The following UTS2 variants were observed in gnomAD, a reference collection of about 807,000 sequenced individuals.
UTS2 encodes the protein urotensin-2.
In UTS2, 10 loss-of-function variants were observed where a neutral mutation model predicts 12.6. That is an observed-to-expected ratio of 0.80 (90% CI 0.49 to 1.35). The LOEUF (loss-of-function observed/expected upper bound fraction) is 1.35. UTS2 is among the 40% of genes most tolerant of loss of function. The pLI is 0.00. For missense variants in UTS2, 142 were observed against 143.2 expected (o/e 0.99, Z 0.04); for synonymous variants, 52 against 50.0 (o/e 1.04, Z -0.17).
At chr1:7,863,003 G>GTATT in the UTS2 span, among the ~76,000 whole-genome samples, 5 of 19,714 alleles carry the variant, frequency 2.5e-4, no homozygotes, top group African/African-American at 7.0e-4. Context: ...GTATTGTATT[G>GTATT]TATTGTATTG....
intron 3 of UTS2, among the ~76,000 whole-genome samples, chr1:7,849,163 A>C (rs1474681618): frequency 6.6e-6 from 1 of 151,648 alleles, no homozygotes; most frequent in Non-Finnish European, 1.5e-5. Context: ...TTCAGATCTT[A>C]TATCAATCAA....
chr1:7,897,345 T>G, the UTS2 span, among the ~76,000 whole-genome samples: 1 of 152,136 alleles, frequency 6.6e-6, no homozygotes, highest in East Asian at 1.9e-4. Flanking sequence ...CTGTATCCTA[T>G]TCTTGTTTAG....
the UTS2 span, among the ~76,000 whole-genome samples, chr1:7,903,966 A>G: frequency 6.6e-6 from 1 of 152,172 alleles, no homozygotes; most frequent in East Asian, 1.9e-4. Flanking sequence ...CGTCTGATGT[A>G]CCTTCCACAC....
At chr1:7,849,286 C>T (rs2097411408) in intron 3 of UTS2, among the ~76,000 whole-genome samples, 2 of 152,248 alleles carry the variant, frequency 1.3e-5, no homozygotes, top group Admixed American at 1.3e-4. Flanking sequence ...GCGATCTCAG[C>T]TCACTGCAAC....
At chr1:7,850,487 CT>C (rs1044884741) in intron 2 of UTS2, among the ~76,000 whole-genome samples, 1 of 152,050 alleles carries the variant, frequency 6.6e-6, no homozygotes, top group Admixed American at 6.6e-5. Context: ...AGAAAGATTA[CT>C]TTAAGTTTTC....
chr1:7,894,016 G>T, the UTS2 span, among the ~76,000 whole-genome samples: 2 of 152,156 alleles, frequency 1.3e-5, no homozygotes, highest in African/African-American at 4.8e-5. Context: ...AGTGGTGGGG[G>T]TGCTTGGCCC....
the UTS2 span, among the ~76,000 whole-genome samples, chr1:7,898,780 G>GC: frequency 4.6e-5 from 7 of 152,142 alleles, no homozygotes; most frequent in African/African-American, 9.7e-5. Context: ...GCTAGGGACA[G>GC]TTTTTTTCAA....
chr1:7,905,373 G>A, the UTS2 span, among the ~76,000 whole-genome samples: 5 of 151,626 alleles, frequency 3.3e-5, no homozygotes, highest in Non-Finnish European at 5.9e-5. Flanking sequence ...TTGAACTCCC[G>A]ACCTCAGGTG....
chr1:7,857,107 T>TGAATGAAGGAAGGAAGGAAGGAAG (rs1553334050), upstream of UTS2, among the ~76,000 whole-genome samples: 1 of 125,284 alleles, frequency 8.0e-6, no homozygotes, highest in Non-Finnish European at 1.6e-5. Context: ...AGAAAAGGAA[T>TGAATGAAGGAAGGAAGGAAGGAAG]GAAGGAAGGA....
chr1:7,898,569 A>T, the UTS2 span, among the ~76,000 whole-genome samples: 1 of 151,726 alleles, frequency 6.6e-6, no homozygotes, highest in African/African-American at 2.4e-5. Flanking sequence ...TCTGCCTCCC[A>T]GGTTCATGCC....
chr1:7,849,706 G>T, intron 2 of UTS2, 23 bp from the exon 3 acceptor site: 1 of 1,599,690 alleles, frequency 6.3e-7, no homozygotes, highest in Non-Finnish European at 8.5e-7. Flanking sequence ...TTTGAAGCCA[G>T]TTCATCAGAT....
At chr1:7,903,595 G>C in the UTS2 span, among the ~76,000 whole-genome samples, 13 of 151,952 alleles carry the variant, frequency 8.6e-5, no homozygotes, top group Middle Eastern at 3.4e-3. Flanking sequence ...TCACCATGTC[G>C]GCCAGGCTGG....
At chr1:7,892,080 T>C in the UTS2 span, among the ~76,000 whole-genome samples, 24 of 152,212 alleles carry the variant, frequency 1.6e-4, no homozygotes, top group Non-Finnish European at 2.8e-4. Flanking sequence ...ACCCCTACCT[T>C]GCCCTGCAGT....
At chr1:7,858,839 C>T in the UTS2 span, among the ~76,000 whole-genome samples, 1 of 152,306 alleles carries the variant, frequency 6.6e-6, no homozygotes, top group Non-Finnish European at 1.5e-5. Flanking sequence ...TTGCCTCAGC[C>T]TCCTATAGTG....
the UTS2 span, among the ~76,000 whole-genome samples, chr1:7,902,249 G>C: frequency 6.6e-6 from 1 of 152,150 alleles, no homozygotes; most frequent in Non-Finnish European, 1.5e-5. Context: ...GTTTTGTCCT[G>C]ATGGGACCAC....
chr1:7,876,214 G>A, the UTS2 span, among the ~76,000 whole-genome samples: 4 of 152,152 alleles, frequency 2.6e-5, no homozygotes, highest in African/African-American at 9.7e-5. Context: ...CTGGGCCCGG[G>A]GGATCAACCT....
the UTS2 span, among the ~76,000 whole-genome samples, chr1:7,909,091 T>G: frequency 6.6e-6 from 1 of 152,020 alleles, no homozygotes; most frequent in Non-Finnish European, 1.5e-5. Context: ...ATGCCTGGCC[T>G]CAAAGGCTTA....
the UTS2 span, among the ~76,000 whole-genome samples, chr1:7,861,538 G>A: frequency 0.021 from 3,207 of 152,332 alleles, 105 homozygotes; most frequent in African/African-American, 0.073. Context: ...CAAGAAGGGC[G>A]ATCACGTAAC....
upstream of UTS2, among the ~76,000 whole-genome samples, chr1:7,856,313 C>T (rs759379946): frequency 5.9e-5 from 9 of 152,326 alleles, no homozygotes; most frequent in Non-Finnish European, 1.2e-4. Context: ...CATTAACATA[C>T]GCTGTAGGAA....
Sources: allele counts gnomAD v4.1 joint callset (sites outside exome capture counted in the v4.1 genomes callset), GRCh38; gene constraint gnomAD v4.1.1; transcripts MANE v1.5; gene names NCBI Gene and HGNC (gene_info 2026-07-23, HGNC 2026-07-21).